Variants in MECOM observed in about 807,000 individuals in gnomAD.
MECOM encodes histone-lysine N-methyltransferase MECOM.
Under a neutral mutation model 116.3 loss-of-function variants are expected in MECOM, and 13 were observed. The ratio of observed to expected loss-of-function variants is 0.11; its 90% CI spans 0.07 to 0.18. The LOEUF is 0.18. Among genes scored for constraint, MECOM ranks in the 10% least tolerant of loss-of-function variants. The probability of loss-of-function intolerance (pLI) is 1.00; values close to 1 mark genes in which losing one functional copy is unlikely to be tolerated. For missense variants in MECOM, 1,299 were observed against 1,509.0 expected, an observed-to-expected ratio of 0.86 and a Z score of 2.31; for synonymous variants, 528 against 535.2, an observed-to-expected ratio of 0.99 and a Z score of 0.19.
At chr3:169,176,166 G>A (rs1366287567) in intron 2 of MECOM, among the ~76,000 whole-genome samples, 3 of 150,950 alleles carry the variant, frequency 2.0e-5, no homozygotes, top group Admixed American at 2.0e-4. Context: ...CCCCTCATAT[G>A]TTTTAAGAAA....
At chr3:169,370,927 G>C (rs532115172) in intron 2 of MECOM, among the ~76,000 whole-genome samples, 68 of 151,952 alleles carry the variant, frequency 4.5e-4, no homozygotes, top group African/African-American at 1.4e-3. Context: ...ATTTAAACTG[G>C]AATAGCCATT....
chr3:169,413,311 G>A (rs1361744555), intron 1 of MECOM, among the ~76,000 whole-genome samples: 5 of 152,152 alleles, frequency 3.3e-5, no homozygotes, highest in Non-Finnish European at 7.4e-5. Flanking sequence ...ATGAGGGACT[G>A]TGATTTCTGG....
At chr3:169,567,733 T>C (rs1011525382) in intron 1 of MECOM, among the ~76,000 whole-genome samples, 3 of 152,186 alleles carry the variant, frequency 2.0e-5, no homozygotes, top group African/African-American at 4.8e-5. Context: ...TGTCACCAGT[T>C]GGTCTTGTTT....
chr3:169,522,535 G>A (rs1016302563), intron 1 of MECOM, among the ~76,000 whole-genome samples: 1 of 152,122 alleles, frequency 6.6e-6, no homozygotes, highest in African/African-American at 2.4e-5. Context: ...GCCAATGTAT[G>A]ATAAGTGACC....
At chr3:169,446,290 A>G (rs1744613623) in intron 1 of MECOM, among the ~76,000 whole-genome samples, 1 of 152,050 alleles carries the variant, frequency 6.6e-6, no homozygotes, top group Non-Finnish European at 1.5e-5. Context: ...TAATTGAATC[A>G]TGGGGGCCAG....
At position 169,544,619 on chromosome 3, in the gene MECOM, C is replaced by G. The variant is rs193111429; in HGVS notation, c.37+118717G>C. Among the ~76,000 whole-genome samples the G allele has an allele frequency of 4.6e-3, 693 of 152,196 alleles. 5 individuals carry two copies. The highest frequency in any genetic ancestry group is 0.015 in the African/African-American group (642 of 41,518). On this transcript the variant is annotated intron_variant, in intron 1 of 16. Transcript: ENST00000651503. Reference sequence around the variant, plus strand: ...ACAATAGCAAAGACGTGGAACCAACCCAAATTCCCATCAATGACAGACTGG... The same window carrying G: ...ACAATAGCAAAGACGTGGAACCAACGCAAATTCCCATCAATGACAGACTGG...
chr3:169,324,231 G>A (rs934456001), intron 2 of MECOM, among the ~76,000 whole-genome samples: 19 of 152,176 alleles, frequency 1.2e-4, no homozygotes, highest in African/African-American at 4.6e-4. Flanking sequence ...CCTGGGAGGT[G>A]GGTATTATTG....
At chr3:169,263,112 TATATATATATATA>T (rs1757782108) in intron 2 of MECOM, among the ~76,000 whole-genome samples, 13 of 100,862 alleles carry the variant, frequency 1.3e-4, no homozygotes, top group African/African-American at 4.6e-4. Context: ...TATATATATA[TATATATATATATA>T]TATGTTTTTT....
intron 1 of MECOM, among the ~76,000 whole-genome samples, chr3:169,583,764 C>T (rs1765404085): frequency 2.1e-5 from 3 of 145,300 alleles, no homozygotes; most frequent in Non-Finnish European, 3.0e-5. Context: ...CCACGTCTGG[C>T]TAATTTTTTT....
At chr3:169,534,853 G>T (rs1313444879) in intron 1 of MECOM, among the ~76,000 whole-genome samples, 1 of 152,158 alleles carries the variant, frequency 6.6e-6, no homozygotes, top group Non-Finnish European at 1.5e-5. Flanking sequence ...GAACCCCAAT[G>T]GTCTGACTCC....
intron 6 of MECOM, 131 bp downstream of exon 6, chr3:169,122,449 C>T (rs1731346363): frequency 1.0e-6 from 1 of 1,000,164 alleles, no homozygotes; most frequent in Non-Finnish European, 1.5e-6. Flanking sequence ...GCATACAACA[C>T]TCAGTGTACT....
intron 2 of MECOM, among the ~76,000 whole-genome samples, chr3:169,236,513 C>A (rs1219436109): frequency 1.3e-5 from 2 of 152,116 alleles, no homozygotes; most frequent in Non-Finnish European, 2.9e-5. Context: ...AATCTATTCT[C>A]TAATTTTTAA....
At chr3:169,121,251 A>C (rs376805100) in intron 6 of MECOM, 42 bp from the exon 7 acceptor site, 21 of 1,543,642 alleles carry the variant, frequency 1.4e-5, no homozygotes, top group Non-Finnish European at 1.8e-5. Flanking sequence ...AACTTAACTC[A>C]AGGGCACAAT....
intron 1 of MECOM, among the ~76,000 whole-genome samples, chr3:169,551,208 T>C (rs1761364332): frequency 1.3e-5 from 2 of 152,298 alleles, no homozygotes; most frequent in South Asian, 4.1e-4. Context: ...CTTGATCCTG[T>C]ATATCCTGGC....
intron 1 of MECOM, among the ~76,000 whole-genome samples, chr3:169,400,546 C>CTA (rs925188282): frequency 2.0e-5 from 3 of 151,984 alleles, no homozygotes; most frequent in Non-Finnish European, 2.9e-5. Context: ...GTGTGGTTTT[C>CTA]TATATATATA....
chr3:169,379,298 A>C (rs1732008703), intron 2 of MECOM, among the ~76,000 whole-genome samples: 1 of 152,080 alleles, frequency 6.6e-6, no homozygotes. Flanking sequence ...CTCAAAAGGA[A>C]GGGTAATCGT....
Position 169,378,449 on chromosome 3 carries a change from GAAGGAAAGCA to G in MECOM, c.375+2728_375+2737del, listed in dbSNP as rs1167150598. ...AGAAAGAAAGAAAGAAAGAAAGAAA[GAAGGAAAGCA>G]AGCAAGCAAGCAAGCAAGAAAGAGA... On this transcript the variant is annotated intron_variant, in intron 2 of 16. Coordinates refer to ENST00000651503, the MANE Select transcript of MECOM (RefSeq NM_004991.4). Among the ~76,000 whole-genome samples, 134 of 59,574 alleles carry G rather than the reference GAAGGAAAGCA, an allele frequency of 2.2e-3. 3 individuals carry two copies. The highest frequency in any genetic ancestry group is 0.012 in the African/African-American group (110 of 8,940). The allele number at this position is 59,574 out of a possible 152,430, so 39.1% of individuals were successfully genotyped here.
intron 2 of MECOM, among the ~76,000 whole-genome samples, chr3:169,261,239 T>G (rs1560057972): frequency 6.6e-6 from 1 of 152,176 alleles, no homozygotes; most frequent in Non-Finnish European, 1.5e-5. Context: ...TATTAATACA[T>G]CTAAATTATT....
At chr3:169,478,774 TG>T (rs1750851447) in intron 1 of MECOM, among the ~76,000 whole-genome samples, 1 of 152,182 alleles carries the variant, frequency 6.6e-6, no homozygotes, top group South Asian at 2.1e-4. Flanking sequence ...AACAAATATC[TG>T]GGGGTGTTCC....
Sources: gnomAD v4.1 joint callset for allele counts (sites outside exome capture counted in the v4.1 genomes callset) on GRCh38, gnomAD v4.1.1 for gene constraint, MANE v1.5 for transcripts, NCBI Gene and HGNC (gene_info 2026-07-23, HGNC 2026-07-21) for gene names.